The following DSE variants were observed in gnomAD, a reference collection of about 807,000 sequenced individuals.
The protein encoded by DSE is dermatan sulfate epimerase.
DSE carries 36 observed loss-of-function variants against 84.4 expected under a neutral mutation model. That is an observed-to-expected ratio of 0.43 (90% confidence interval 0.33 to 0.56). The LOEUF (loss-of-function observed/expected upper bound fraction) is 0.56, where lower values mean the gene tolerates loss of function less well. Ranked by LOEUF, DSE falls within the 20% of genes least tolerant of loss-of-function variation. The probability of loss-of-function intolerance (pLI) is 0.06; values close to 1 mark genes in which losing one functional copy is unlikely to be tolerated. For missense variants in DSE, 862 were observed against 1,169.6 expected (o/e 0.74, Z 3.84); for synonymous variants, 410 against 430.1 (o/e 0.95, Z 0.58).
chr6:116,425,629 A>AT (rs1198347413), intron 2 of DSE, among the ~76,000 whole-genome samples: 2,497 of 46,154 alleles, frequency 0.054, 95 homozygotes, highest in African/African-American at 0.14. Context: ...ATTTTATTTT[A>AT]TTTTTTTTTT....
chr6:116,254,390 T>G, intron 1 of DSE: 1 of 472,668 alleles, frequency 2.1e-6, no homozygotes, highest in South Asian at 1.6e-5. Context: ...TAAGGTGAGT[T>G]ACTGTCTATT....
upstream of DSE, chr6:116,369,961 A>G: frequency 7.8e-7 from 1 of 1,288,798 alleles, no homozygotes; most frequent in South Asian, 1.2e-5. Context: ...CTTCTGTACA[A>G]TCTAGGTCTG....
At chr6:116,334,661 T>C (rs1222123098) in intron 2 of DSE, among the ~76,000 whole-genome samples, 1 of 152,210 alleles carries the variant, frequency 6.6e-6, no homozygotes, top group Non-Finnish European at 1.5e-5. Context: ...CTTTGAGTTT[T>C]CCATTTAAGT....
chr6:116,325,555 A>G (rs182991594), intron 2 of DSE, among the ~76,000 whole-genome samples: 1 of 152,218 alleles, frequency 6.6e-6, no homozygotes, highest in East Asian at 1.9e-4. Context: ...CTGTGTTGCA[A>G]CTGGAGTAGT....
At chr6:116,324,351 G>A (rs1157805879) in intron 2 of DSE, among the ~76,000 whole-genome samples, 4 of 152,148 alleles carry the variant, frequency 2.6e-5, no homozygotes, top group Non-Finnish European at 5.9e-5. Flanking sequence ...ATTTTTCCCA[G>A]TTTGCTTTAA....
chr6:116,347,956 T>C (rs112799825), intron 2 of DSE, among the ~76,000 whole-genome samples: 1 of 151,980 alleles, frequency 6.6e-6, no homozygotes, highest in Non-Finnish European at 1.5e-5. Context: ...GAGAAATAAA[T>C]CAAACAACCC....
chr6:116,381,542 G>T (rs1197880207), intron 1 of DSE, among the ~76,000 whole-genome samples: 1 of 152,054 alleles, frequency 6.6e-6, no homozygotes, highest in African/African-American at 2.4e-5. Flanking sequence ...ACATTCTATG[G>T]GACCTTGGGT....
intron 1 of DSE, among the ~76,000 whole-genome samples, chr6:116,394,162 G>T (rs2114981413): frequency 6.6e-6 from 1 of 152,322 alleles, no homozygotes; most frequent in South Asian, 2.1e-4. Flanking sequence ...AGTTATTGAA[G>T]AGTAAAAGAT....
chr6:116,424,277 A>G (rs1237553013), intron 2 of DSE, among the ~76,000 whole-genome samples: 2 of 152,230 alleles, frequency 1.3e-5, no homozygotes, highest in Non-Finnish European at 2.9e-5. Flanking sequence ...TCCTAGAAGT[A>G]GAGAATTCAT....
rs1333741242 is a variant in DSE, at chr6:116,442,930, C to A, written c.*5585C>A. 1 of 71,896 alleles carries A rather than the reference C, an allele frequency of 1.4e-5. No homozygotes were observed. Among genetic ancestry groups the A allele is most frequent in the African/African-American group, 5.1e-5 (1 of 19,780 alleles). 4.5% of individuals were successfully genotyped at this position (71,896 alleles called of 1,614,324 possible). A position where few individuals can be genotyped will look rare whatever the true frequency, so the allele number is the denominator to read the frequency against. On this transcript the variant is annotated 3_prime_UTR_variant, in exon 6 of 6. Coordinates refer to ENST00000644252, the MANE Select transcript of DSE (RefSeq NM_013352.4). Reference sequence around the variant, plus strand: ...AAATCCCTGAGATGGCTCTGATATGCCCCCCATATTCCATATGTTTACTCC... The same window carrying A: ...AAATCCCTGAGATGGCTCTGATATGACCCCCATATTCCATATGTTTACTCC...
chr6:116,385,307 C>T (rs767080598), intron 1 of DSE, among the ~76,000 whole-genome samples: 3 of 152,138 alleles, frequency 2.0e-5, no homozygotes, highest in Non-Finnish European at 4.4e-5. Flanking sequence ...GTGACATACT[C>T]TGAATTAGGA....
In DSE at chr6:116,268,069, G is replaced by T. The variant is rs185829141; in HGVS notation, c.-54+9102G>T. Among the ~76,000 whole-genome samples the T allele has an allele frequency of 2.6e-5, 4 of 152,216 alleles. No individual in the cohort carries two copies. The East Asian group carries it at 5.8e-4, about 22-fold the overall frequency. On this transcript the variant is annotated intron_variant, in intron 2 of 3. Coordinates refer to the DSE transcript ENST00000430252. Reference sequence around the variant, plus strand: ...TCAAGTAGTGTACAGTAATGTCCTAGACCTTCACATGCGCTTACCACTCAC... The same window carrying T: ...TCAAGTAGTGTACAGTAATGTCCTATACCTTCACATGCGCTTACCACTCAC...
At chr6:116,379,570 T>C (rs1490030003) in intron 1 of DSE, among the ~76,000 whole-genome samples, 2 of 152,202 alleles carry the variant, frequency 1.3e-5, no homozygotes, top group Non-Finnish European at 2.9e-5. Context: ...GTTGCTGTTA[T>C]GCAAGTTCAG....
intron 2 of DSE, among the ~76,000 whole-genome samples, chr6:116,307,882 G>T (rs1775443029): frequency 6.6e-6 from 1 of 152,172 alleles, no homozygotes; most frequent in African/African-American, 2.4e-5. Context: ...AAAATTAGGA[G>T]GAATTACTGG....
intron 2 of DSE, among the ~76,000 whole-genome samples, chr6:116,284,225 G>A (rs952473419): frequency 1.3e-5 from 2 of 152,174 alleles, no homozygotes; most frequent in Non-Finnish European, 2.9e-5. Context: ...TTGCAGAAAG[G>A]TAGGTTTTAT....
intron 2 of DSE, among the ~76,000 whole-genome samples, chr6:116,283,013 C>A (rs1207756141): frequency 6.6e-6 from 1 of 152,058 alleles, no homozygotes; most frequent in Non-Finnish European, 1.5e-5. Context: ...TTTTTGTTCA[C>A]CTTTTTGTAT....
At chr6:116,408,105 T>C (rs1782052122) in intron 2 of DSE, among the ~76,000 whole-genome samples, 1 of 152,194 alleles carries the variant, frequency 6.6e-6, no homozygotes, top group Non-Finnish European at 1.5e-5. Context: ...TCCAACCCAA[T>C]TCCTATAGTT....
At chr6:116,352,824 C>T (rs1313433600) in intron 2 of DSE, among the ~76,000 whole-genome samples, 1 of 152,170 alleles carries the variant, frequency 6.6e-6, no homozygotes, top group Non-Finnish European at 1.5e-5. Context: ...AATAGGCTTT[C>T]CAAAACTCAC....
At chr6:116,284,889 T>A in intron 2 of DSE, among the ~76,000 whole-genome samples, 1 of 152,194 alleles carries the variant, frequency 6.6e-6, no homozygotes, top group South Asian at 2.1e-4. Context: ...ATGGTGTATA[T>A]GTGCCACGTT....
Sources: gnomAD v4.1 joint callset for allele counts (sites outside exome capture counted in the v4.1 genomes callset) on GRCh38, gnomAD v4.1.1 for gene constraint, MANE v1.5 for transcripts, NCBI Gene and HGNC (gene_info 2026-07-23, HGNC 2026-07-21) for gene names.